Variants in C8orf34 observed in about 807,000 individuals in gnomAD.
C8orf34 encodes the protein uncharacterized protein C8orf34.
Under a neutral mutation model 68.3 loss-of-function variants are expected in C8orf34, and 65 were observed. The observed-to-expected ratio is 0.95, with a 90% CI of 0.78 to 1.17. The LOEUF is 1.17. Among genes scored for constraint, C8orf34 ranks in the 50% most tolerant of loss-of-function variants. C8orf34 has a pLI of 0.00. For missense variants in C8orf34, 664 were observed against 655.4 expected, an observed-to-expected ratio of 1.01 and a Z score of -0.14; for synonymous variants, 244 against 241.2, an observed-to-expected ratio of 1.01 and a Z score of -0.11.
chr8:68,677,571 G>A (rs1414026260), intron 8 of C8orf34, among the ~76,000 whole-genome samples: 3 of 149,406 alleles, frequency 2.0e-5, no homozygotes, highest in African/African-American at 2.5e-5. Context: ...TGCCTAGGCT[G>A]GTCTCAAACT....
chr8:68,491,066 C>A (rs1369319997), intron 5 of C8orf34, among the ~76,000 whole-genome samples: 1 of 152,114 alleles, frequency 6.6e-6, no homozygotes, highest in African/African-American at 2.4e-5. Flanking sequence ...TTTTTCCCAA[C>A]CTTTATAAAA....
chr8:68,370,007 G>T (rs2129619740), intron 1 of C8orf34, among the ~76,000 whole-genome samples: 1 of 152,218 alleles, frequency 6.6e-6, no homozygotes, highest in South Asian at 2.1e-4. Context: ...ATCCAAAGAG[G>T]GCATGCTCCT....
intron 3 of C8orf34, among the ~76,000 whole-genome samples, chr8:68,454,479 T>C (rs1273484167): frequency 1.2e-4 from 19 of 152,058 alleles, no homozygotes; most frequent in Admixed American, 1.2e-3. Flanking sequence ...TATTTCCTCT[T>C]GAGTCAGTAT....
chr8:68,426,308 A>G (rs1280881950), intron 1 of C8orf34, among the ~76,000 whole-genome samples: 1 of 152,084 alleles, frequency 6.6e-6, no homozygotes. Flanking sequence ...ACTTGAGGTC[A>G]GGAGTTGAAG....
At chr8:68,353,637 TTA>T (rs10593212) in intron 1 of C8orf34, among the ~76,000 whole-genome samples, 57,401 of 142,606 alleles carry the variant, frequency 0.4, 11,613 homozygotes, top group Non-Finnish European at 0.44. Context: ...TATATATATA[TTA>T]TATATATATA....
At chr8:68,707,157 C>T (rs746113314) in intron 8 of C8orf34, among the ~76,000 whole-genome samples, 3 of 152,154 alleles carry the variant, frequency 2.0e-5, no homozygotes, top group Non-Finnish European at 4.4e-5. Flanking sequence ...TAACCTCTTA[C>T]AGAAGTGGTG....
intron 12 of C8orf34, among the ~76,000 whole-genome samples, chr8:68,803,858 A>C (rs1824404642): frequency 6.6e-6 from 1 of 151,960 alleles, no homozygotes; most frequent in South Asian, 2.1e-4. Flanking sequence ...ACTTTTTTGC[A>C]TATTACATTT....
chr8:68,546,212 C>T (rs1005475436), intron 7 of C8orf34, among the ~76,000 whole-genome samples: 6 of 151,900 alleles, frequency 3.9e-5, no homozygotes, highest in Non-Finnish European at 8.8e-5. Flanking sequence ...TAAACTTAAA[C>T]CTGAACACAT....
chr8:68,377,846 A>G (rs528230827), intron 1 of C8orf34, among the ~76,000 whole-genome samples: 1 of 152,278 alleles, frequency 6.6e-6, no homozygotes, highest in South Asian at 2.1e-4. Context: ...GGCCTCAGGA[A>G]ACTTACAATC....
intron 10 of C8orf34, among the ~76,000 whole-genome samples, chr8:68,737,453 C>A (rs1312398781): frequency 1.3e-5 from 2 of 151,916 alleles, no homozygotes; most frequent in East Asian, 1.9e-4. Context: ...GGCTAAATGC[C>A]TCAATTAAAA....
At chr8:68,713,889 C>G (rs1821395604) in intron 9 of C8orf34, among the ~76,000 whole-genome samples, 1 of 151,978 alleles carries the variant, frequency 6.6e-6, no homozygotes, top group Non-Finnish European at 1.5e-5. Context: ...TGCAAACATC[C>G]TCACAAAATA....
At chr8:68,452,595 G>A (rs1811390520) in intron 3 of C8orf34, among the ~76,000 whole-genome samples, 1 of 150,134 alleles carries the variant, frequency 6.7e-6, no homozygotes, top group Admixed American at 6.7e-5. Context: ...CATACACTTA[G>A]CTCATTTTTA....
At chr8:68,445,005 C>T (rs1221998083) in intron 2 of C8orf34, among the ~76,000 whole-genome samples, 1 of 152,168 alleles carries the variant, frequency 6.6e-6, no homozygotes, top group Non-Finnish European at 1.5e-5. Context: ...TTGAGGTGGA[C>T]ACCTAGAAAT....
At chr8:68,591,020 C>T (rs1043356346) in intron 7 of C8orf34, among the ~76,000 whole-genome samples, 6 of 152,152 alleles carry the variant, frequency 3.9e-5, no homozygotes, top group Non-Finnish European at 8.8e-5. Flanking sequence ...AGGCCAGCCA[C>T]ACTGCATGAG....
At chr8:68,616,007 G>A (rs1485042956) in intron 7 of C8orf34, among the ~76,000 whole-genome samples, 2 of 150,958 alleles carry the variant, frequency 1.3e-5, no homozygotes, top group East Asian at 1.9e-4. Context: ...CTTCTTCCTG[G>A]TTTAGTCTTG....
In C8orf34 at chr8:68,446,388, A is replaced by G; in HGVS notation, c.535A>G (p.Lys179Glu). Residue 179 changes from lysine to glutamate, a missense_variant, in exon 3 of 14, where the codon AAG becomes GAG. Transcript: ENST00000518698. ...TGATAAACCTTGGCAATTAAATGCA[A>G]AGAAGCCTAAAAAATCAAAAAGTGA... Reference protein sequence around the residue: ...SYDKPWQLNAKKPKKSKSDLA... With the variant: ...SYDKPWQLNAEKPKKSKSDLA... 6.2e-7 allele frequency: 1 copy of G among 1,612,870 alleles called. No homozygotes were observed. Among genetic ancestry groups the G allele is most frequent in the South Asian group, 1.1e-5 (1 of 90,724 alleles).
At chr8:68,465,300 A>C (rs1812064918) in intron 3 of C8orf34, among the ~76,000 whole-genome samples, 1 of 150,698 alleles carries the variant, frequency 6.6e-6, no homozygotes, top group South Asian at 2.1e-4. Context: ...GTCAGGAAAC[A>C]ACAGGTGCTG....
intron 7 of C8orf34, among the ~76,000 whole-genome samples, chr8:68,607,853 TG>T (rs1360586439): frequency 6.6e-6 from 1 of 152,064 alleles, no homozygotes; most frequent in Non-Finnish European, 1.5e-5. Flanking sequence ...GATTATGTTT[TG>T]GCAAAGGTCA....
At chr8:68,505,324 C>T (rs1586278034) in intron 5 of C8orf34, among the ~76,000 whole-genome samples, 1 of 152,156 alleles carries the variant, frequency 6.6e-6, no homozygotes, top group Non-Finnish European at 1.5e-5. Flanking sequence ...ATCATTATTA[C>T]TTGAATTTTG....
Sources: allele counts gnomAD v4.1 joint callset (sites outside exome capture counted in the v4.1 genomes callset), GRCh38; gene constraint gnomAD v4.1.1; transcripts MANE v1.5; gene names NCBI Gene and HGNC (gene_info 2026-07-23, HGNC 2026-07-21).